HUWE1: variants seen among roughly 807,000 people sequenced by gnomAD.
The protein encoded by HUWE1 is HECT, UBA and WWE domain containing E3 ubiquitin protein ligase 1, also known as E3 ubiquitin-protein ligase HUWE1.
HUWE1 carries 18 observed loss-of-function variants against 299.4 expected under a neutral mutation model. That is an observed-to-expected ratio of 0.06 (90% CI 0.04 to 0.09). The LOEUF (loss-of-function observed/expected upper bound fraction) is 0.09, where lower values mean the gene tolerates loss of function less well. Among genes scored for constraint, HUWE1 ranks in the 10% least tolerant of loss-of-function variants. The probability of loss-of-function intolerance (pLI) is 1.00; values close to 1 mark genes in which losing one functional copy is unlikely to be tolerated. For synonymous variants in HUWE1, 1,317 were observed against 1,286.1 expected (o/e 1.02, Z -0.51); for missense variants, 1,832 against 3,462.3 (o/e 0.53, Z 11.82).
At chrX:53,666,331 G>C (rs1389015376) in intron 3 of HUWE1, among the ~76,000 whole-genome samples, 2 of 110,765 alleles carry the variant, frequency 1.8e-5, no homozygotes, top group African/African-American at 6.6e-5. Context: ...CTGTGACTTA[G>C]GAACTTGCTT....
At chrX:53,631,331 A>G (rs1260115772) in intron 11 of HUWE1, 83 bp downstream of exon 11, 1 of 761,431 alleles carries the variant, frequency 1.3e-6, no homozygotes. Flanking sequence ...TCTTTCTGCT[A>G]TGCAATCTCC....
At chrX:53,649,642 G>A (rs1187840166) in intron 4 of HUWE1, among the ~76,000 whole-genome samples, 16 of 111,903 alleles carry the variant, frequency 1.4e-4, no homozygotes, top group Non-Finnish European at 2.4e-4. Flanking sequence ...TCTCCTCTAA[G>A]ATGTAAGTTG....
chrX:53,543,868 C>A lies in HUWE1; in HGVS notation c.11352G>T (p.Arg3784Ser). 1 of 1,211,166 alleles carries A rather than the reference C, an allele frequency of 8.3e-7. No homozygotes were observed. The highest frequency in any genetic ancestry group is 1.1e-6 in the Non-Finnish European group (1 of 895,014). ...TTGCTGCTTGTTGCTGTCTCCGCGC[C>A]CTTTGACCCTCACGTACCATTTGTA... ...AIIQMVREGQ[R>S]ARRQQQAATS... Residue 3784 changes from arginine (R) to serine (S), a missense_variant, in exon 73 of 84, where the codon AGG (arginine) becomes AGT (serine). Arg to Ser is a moderately radical substitution (Grantham distance 110). Coordinates refer to ENST00000262854, the MANE Select transcript of HUWE1 (RefSeq NM_031407.7).
chrX:53,568,655 A>T, intron 49 of HUWE1, 37 bp downstream of exon 49: 1 of 1,172,974 alleles, frequency 8.5e-7, no homozygotes, highest in South Asian at 1.8e-5. Flanking sequence ...GTGAGGCTGA[A>T]GAGAAGGAAA....
chrX:53,648,349 T>C, intron 4 of HUWE1, 39 bp from the exon 5 acceptor site: 1 of 836,066 alleles, frequency 1.2e-6, no homozygotes, highest in Non-Finnish European at 1.8e-6. Flanking sequence ...TGTTTTGGAA[T>C]GAGGGAGTTG....
chrX:53,558,378 C>T (rs1556937147), intron 59 of HUWE1, among the ~76,000 whole-genome samples: 1 of 111,688 alleles, frequency 9.0e-6, no homozygotes, highest in Non-Finnish European at 1.9e-5. Context: ...TTGATGCTGT[C>T]CTTGGCGGTA....
Position 53,628,820 on chromosome X carries a change from C to G in HUWE1, c.1046G>C (p.Cys349Ser), listed in dbSNP as rs782642234. Residue 349 changes from cysteine to serine, a missense_variant, in exon 14 of 84, where the codon TGT (cysteine) becomes TCT (serine). Transcript: ENST00000262854. ...RTPKLSSIIDCTGTASYHGFL... is the reference protein window; with the variant it reads ...RTPKLSSIIDSTGTASYHGFL... Reference sequence around the variant, plus strand: ...TCCATGGTAGGAGGCAGTTCCAGTACAGTCAATAATACTGCTGAGTTTGGG... The same window carrying G: ...TCCATGGTAGGAGGCAGTTCCAGTAGAGTCAATAATACTGCTGAGTTTGGG... 5.8e-6 allele frequency: 7 copies of G among 1,207,094 alleles called. No homozygotes were observed. The East Asian group carries it at 2.1e-4, about 36-fold the overall frequency.
At chrX:53,550,644 A>G (rs781947676) in intron 66 of HUWE1, 22 bp downstream of exon 66, 2 of 1,166,269 alleles carry the variant, frequency 1.7e-6, no homozygotes, top group South Asian at 3.6e-5. Flanking sequence ...TGATATGGTA[A>G]GGTAAAAATA....
chrX:53,578,587 T>C (rs1166152598), intron 43 of HUWE1, among the ~76,000 whole-genome samples: 1 of 56,179 alleles, frequency 1.8e-5, no homozygotes, highest in Non-Finnish European at 3.3e-5. Context: ...GGAGGGGGGG[T>C]CAGCCCCCTG....
At position 53,573,882 on chromosome X, in the gene HUWE1, C is replaced by T. The variant is rs782005076; in HGVS notation, c.6180G>A (p.Lys2060=). Residue 2060 remains lysine (K), a synonymous_variant, in exon 47 of 84, where the codon AAG becomes AAA. Coordinates refer to ENST00000262854, the MANE Select transcript of HUWE1 (RefSeq NM_031407.7). ...AGGTAGGCATTAAAGGTTTGCTGCC[C>T]TTGCCTTTCTGTTTGCCTTCCTCAG... is the stretch of plus-strand genomic sequence containing the variant. ...RASEEGKQKG[K]GSKPLMPTST... 3.5e-5 allele frequency: 42 copies of T among 1,209,746 alleles called. No homozygotes were observed. Among genetic ancestry groups the T allele is most frequent in the African/African-American group, 5.2e-5 (3 of 57,194 alleles).
chrX:53,602,230 T>TA (rs2064894959), intron 28 of HUWE1, among the ~76,000 whole-genome samples: 1 of 111,083 alleles, frequency 9.0e-6, no homozygotes, highest in African/African-American at 3.3e-5. Flanking sequence ...TGTACCTTTA[T>TA]ATGGTACCTA....
intron 43 of HUWE1, chrX:53,579,810 C>CGGAAGG (rs1556965099): frequency 2.0e-5 from 2 of 99,911 alleles, no homozygotes; most frequent in Non-Finnish European, 4.1e-5. Flanking sequence ...ACAAACACTG[C>CGGAAGG]GGAAGGCCGC....
chrX:53,584,886 G>T, intron 40 of HUWE1, 126 bp downstream of exon 40: 2 of 756,445 alleles, frequency 2.6e-6, no homozygotes, highest in South Asian at 2.1e-5. Flanking sequence ...AACGATATTT[G>T]ATAAGCTAAA....
At chrX:53,634,495 G>GA (rs2067079742) in intron 7 of HUWE1, among the ~76,000 whole-genome samples, 197 bp from the exon 8 acceptor site, 1 of 111,969 alleles carries the variant, frequency 8.9e-6, no homozygotes, top group Non-Finnish European at 1.9e-5. Context: ...CAAACAAGAG[G>GA]AAAAAACGAA....
chrX:53,593,734 G>A (rs1431757489), intron 31 of HUWE1, 133 bp from the exon 32 acceptor site: 4 of 493,126 alleles, frequency 8.1e-6, no homozygotes, highest in Non-Finnish European at 1.1e-5. Flanking sequence ...CGTCTAATCT[G>A]TCCAACAGTT....
chrX:53,660,302 A>T (rs2068935034), intron 3 of HUWE1, among the ~76,000 whole-genome samples: 1 of 112,038 alleles, frequency 8.9e-6, no homozygotes, highest in African/African-American at 3.2e-5. Flanking sequence ...TATTTGCATG[A>T]GTGGCGCTAG....
chrX:53,638,679 A>G (rs960070792), intron 7 of HUWE1, among the ~76,000 whole-genome samples: 1 of 112,333 alleles, frequency 8.9e-6, no homozygotes, highest in Non-Finnish European at 1.9e-5. Context: ...GCAAATTCTG[A>G]GGCCCACTCC....
chrX:53,578,886 C>T (rs2063405137), intron 43 of HUWE1, among the ~76,000 whole-genome samples: 2 of 77,284 alleles, frequency 2.6e-5, no homozygotes, highest in Non-Finnish European at 5.2e-5. Flanking sequence ...GCCAGCCGCC[C>T]CGTCCGGGAG....
chrX:53,602,365 G>A (rs2064907154), intron 28 of HUWE1, among the ~76,000 whole-genome samples, 199 bp downstream of exon 28: 1 of 106,355 alleles, frequency 9.4e-6, no homozygotes, highest in Admixed American at 1.0e-4. Context: ...CAGAAATACG[G>A]GTAATTCTTT....
Sources: allele counts gnomAD v4.1 joint callset (sites outside exome capture counted in the v4.1 genomes callset), GRCh38; gene constraint gnomAD v4.1.1; transcripts MANE v1.5; gene names NCBI Gene and HGNC (gene_info 2026-07-23, HGNC 2026-07-21).